Variants in EXOC4 observed in about 807,000 individuals in gnomAD.
EXOC4 encodes SEC8-like 1.
A neutral mutation model predicts 107.2 loss-of-function variants in EXOC4; 71 were observed. The observed-to-expected ratio is 0.66, with a 90% CI of 0.55 to 0.81. EXOC4 has a LOEUF of 0.81. Among genes scored for constraint, EXOC4 ranks in the 30% least tolerant of loss-of-function variants. EXOC4 has a pLI of 0.00. For missense variants in EXOC4, 1,108 were observed against 1,189.6 expected (o/e 0.93, Z 1.01); for synonymous variants, 456 against 441.2 (o/e 1.03, Z -0.42).
intron 9 of EXOC4, among the ~76,000 whole-genome samples, chr7:133,482,332 C>T (rs1408234718): frequency 6.6e-6 from 1 of 152,112 alleles, no homozygotes; most frequent in Non-Finnish European, 1.5e-5. Flanking sequence ...TCCATTTGAC[C>T]CTTCTAGTGA....
At chr7:133,418,409 A>G (rs1797527407) in intron 7 of EXOC4, among the ~76,000 whole-genome samples, 2 of 152,248 alleles carry the variant, frequency 1.3e-5, no homozygotes, top group African/African-American at 4.8e-5. Flanking sequence ...GCTCAGAGTT[A>G]CTTTCACATT....
intron 1 of EXOC4, among the ~76,000 whole-genome samples, chr7:133,259,329 T>A (rs781623294): frequency 2.7e-5 from 4 of 149,838 alleles, no homozygotes; most frequent in African/African-American, 4.9e-5. Flanking sequence ...GCCTCCTGGG[T>A]TCAAGCGATT....
chr7:133,769,354 A>G (rs1406565621), intron 10 of EXOC4, among the ~76,000 whole-genome samples: 1 of 151,936 alleles, frequency 6.6e-6, no homozygotes, highest in Non-Finnish European at 1.5e-5. Context: ...TAGCAGCTGA[A>G]TTTGCCAACC....
intron 17 of EXOC4, among the ~76,000 whole-genome samples, chr7:134,062,863 C>T (rs1262322113): frequency 6.6e-6 from 1 of 152,234 alleles, no homozygotes; most frequent in African/African-American, 2.4e-5. Context: ...TGAAGAATCC[C>T]TATAATGCAT....
chr7:133,387,121 G>A (rs1286222931), intron 7 of EXOC4, among the ~76,000 whole-genome samples: 3 of 152,112 alleles, frequency 2.0e-5, no homozygotes, highest in African/African-American at 7.2e-5. Context: ...GCTTCAGTAG[G>A]ATTCTAACTG....
At chr7:133,688,259 A>T (rs371013841) in intron 10 of EXOC4, among the ~76,000 whole-genome samples, 4 of 152,316 alleles carry the variant, frequency 2.6e-5, no homozygotes, top group African/African-American at 9.6e-5. Context: ...GTAGGCACAC[A>T]GTGCATGGAA....
intron 10 of EXOC4, among the ~76,000 whole-genome samples, chr7:133,673,153 T>C (rs1562901668): frequency 6.6e-6 from 1 of 152,168 alleles, no homozygotes; most frequent in African/African-American, 2.4e-5. Flanking sequence ...CAGTTGAGGT[T>C]AAAGAGCCAA....
the EXOC4 span, among the ~76,000 whole-genome samples, chr7:134,075,299 C>T: frequency 6.6e-6 from 1 of 152,170 alleles, no homozygotes; most frequent in Non-Finnish European, 1.5e-5. Flanking sequence ...ATATCTTGCT[C>T]TCCCTCTTCC....
chr7:133,365,415 T>A (rs1023214372), intron 6 of EXOC4, among the ~76,000 whole-genome samples: 3 of 152,110 alleles, frequency 2.0e-5, no homozygotes, highest in African/African-American at 7.2e-5. Flanking sequence ...TATTTTCTAA[T>A]TTTAGCCACA....
At chr7:134,043,813 C>A (rs957694765) in intron 17 of EXOC4, among the ~76,000 whole-genome samples, 36 of 152,110 alleles carry the variant, frequency 2.4e-4, no homozygotes, top group African/African-American at 8.0e-4. Flanking sequence ...AGAGAGGAGG[C>A]AGGAGATTGG....
At chr7:133,602,390 C>A (rs1801829521) in intron 9 of EXOC4, among the ~76,000 whole-genome samples, 1 of 152,132 alleles carries the variant, frequency 6.6e-6, no homozygotes. Context: ...GCTCTTTTCC[C>A]ATGATTACTA....
chr7:133,319,369 T>A (rs1795058891), intron 5 of EXOC4, among the ~76,000 whole-genome samples: 1 of 152,216 alleles, frequency 6.6e-6, no homozygotes, highest in Non-Finnish European at 1.5e-5. Flanking sequence ...CTTAGTGGAG[T>A]TCATGGTGAC....
At chr7:133,679,546 A>ATCCATCCT (rs1379317329) in intron 10 of EXOC4, among the ~76,000 whole-genome samples, 5 of 150,888 alleles carry the variant, frequency 3.3e-5, no homozygotes, top group Non-Finnish European at 5.9e-5. Flanking sequence ...CCGTCCGTCC[A>ATCCATCCT]TCCATCCATC....
chr7:133,601,954 G>C (rs1801817819), intron 9 of EXOC4: 1 of 152,226 alleles, frequency 6.6e-6, no homozygotes, highest in African/African-American at 2.4e-5. Context: ...CTGGGGCATG[G>C]AGGCAATCCA....
chr7:133,362,026 G>C (rs1796147644), intron 6 of EXOC4, among the ~76,000 whole-genome samples: 3 of 152,026 alleles, frequency 2.0e-5, no homozygotes, highest in Admixed American at 2.0e-4. Context: ...ACATATATAG[G>C]AAATTTGTTC....
the EXOC4 span, among the ~76,000 whole-genome samples, chr7:134,095,064 C>T: frequency 6.6e-6 from 1 of 151,970 alleles, no homozygotes; most frequent in Non-Finnish European, 1.5e-5. Flanking sequence ...CTAAAAACTC[C>T]ACCGAAAGGC....
chr7:133,882,629 C>T (rs1315663414), intron 11 of EXOC4, among the ~76,000 whole-genome samples: 2 of 152,148 alleles, frequency 1.3e-5, no homozygotes, highest in Non-Finnish European at 2.9e-5. Context: ...AATCTTCCCA[C>T]AGAAAGGATA....
At chr7:133,625,710 G>A (rs1264587539) in intron 9 of EXOC4, among the ~76,000 whole-genome samples, 1 of 152,166 alleles carries the variant, frequency 6.6e-6, no homozygotes. Context: ...GTTGCCAGCT[G>A]CCTGGGACAG....
intron 14 of EXOC4, among the ~76,000 whole-genome samples, chr7:133,940,274 A>G (rs1231007367): frequency 6.6e-6 from 1 of 152,240 alleles, no homozygotes; most frequent in Non-Finnish European, 1.5e-5. Flanking sequence ...ATTCTGAGTT[A>G]TGCTTAACTT....
Sources: allele counts gnomAD v4.1 joint callset (sites outside exome capture counted in the v4.1 genomes callset), GRCh38; gene constraint gnomAD v4.1.1; transcripts MANE v1.5; gene names NCBI Gene and HGNC (gene_info 2026-07-23, HGNC 2026-07-21).